Variants in PPFIA4 observed in about 807,000 individuals in gnomAD.
PPFIA4 encodes the protein PPFI scaffold protein A4.
In PPFIA4, 98 loss-of-function variants were observed where a neutral mutation model predicts 145.7. The ratio of observed to expected loss-of-function variants is 0.67; its 90% CI spans 0.57 to 0.80. The LOEUF (loss-of-function observed/expected upper bound fraction) is 0.80, where lower values mean the gene tolerates loss of function less well. PPFIA4 is among the 30% of genes least tolerant of loss of function. The pLI is 0.00. For missense variants in PPFIA4, 1,457 were observed against 1,632.7 expected (o/e 0.89, Z 1.85); for synonymous variants, 628 against 649.6 (o/e 0.97, Z 0.51).
Position 203,076,581 on chromosome 1 carries a change from G to GT in PPFIA4, c.*192dup. ...CCCCGAGTCCCACCGTGTGTCCGTT[G>GT]TAAGTCCGGTGGATGTGGCTGGGGT... is the stretch of plus-strand genomic sequence containing the variant. On this transcript the variant is annotated 3_prime_UTR_variant, in exon 30 of 30. Coordinates refer to ENST00000295706, the MANE Select transcript of PPFIA4 (RefSeq NM_001304331.2). The GT allele has an allele frequency of 1.6e-6, 1 of 611,224 alleles. No homozygotes were observed. The highest frequency in any genetic ancestry group is 2.0e-5 in the South Asian group (1 of 51,186). The allele number at this position is 611,224 out of a possible 1,614,324, so 37.9% of individuals were successfully genotyped here.
rs1435848246 is a variant in PPFIA4 at position 203,038,903 on chromosome 1, T to C, written c.-106T>C. The C allele has an allele frequency of 1.6e-6, 1 of 641,124 alleles. No individual in the cohort carries two copies. The highest frequency in any genetic ancestry group is 2.8e-5 in the East Asian group (1 of 36,240). The allele number at this position is 641,124 out of a possible 1,614,324, so 39.7% of individuals were successfully genotyped here. ...GCCCCTGCCCACCTGTCCACTCGCCTGGCACTGCCCACTCTGAGACCCATG... is the reference window on the plus strand; with the variant it reads ...GCCCCTGCCCACCTGTCCACTCGCCCGGCACTGCCCACTCTGAGACCCATG... On this transcript the variant is annotated 5_prime_UTR_variant, in exon 2 of 30. Transcript: ENST00000295706.
chr1:203,037,136 C>A, intron 1 of PPFIA4: 1 of 326,098 alleles, frequency 3.1e-6, no homozygotes, highest in Non-Finnish European at 6.4e-6. Flanking sequence ...CCACATTGCT[C>A]CCTAGTCTCC....
rs1660896682 is a variant in PPFIA4 at position 203,055,797 on chromosome 1, C to A, written c.2070+125C>A. The A allele has an allele frequency of 5.6e-6, 8 of 1,427,028 alleles. No individual in the cohort carries two copies. Among genetic ancestry groups the A allele is most frequent in the African/African-American group, 1.4e-5 (1 of 71,122 alleles). 88.4% of individuals were successfully genotyped at this position (1,427,028 alleles called of 1,614,324 possible). ...ATCTTCTTCCCATGGTGTGTGCAGA[C>A]CCCGACATGTCAGGCCACCAGCCTG... On this transcript the variant is annotated intron_variant, in intron 16 of 29. Coordinates refer to ENST00000295706, the MANE Select transcript of PPFIA4 (RefSeq NM_001304331.2). The surrounding 1 kb of genome is among the most constrained non-coding windows in gnomAD (Gnocchi z 4.8).
In PPFIA4 at chr1:203,075,642, C is replaced by T. The variant is rs747437590; in HGVS notation, c.3459C>T (p.His1153=). 1 of 1,500,302 alleles carries T rather than the reference C, an allele frequency of 6.7e-7. No homozygotes were observed. The highest frequency in any genetic ancestry group is 8.9e-7 in the Non-Finnish European group (1 of 1,123,686). The allele number at this position is 1,500,302 out of a possible 1,614,324, so 92.9% of individuals were successfully genotyped here. ...AGCGCTTCCGGCCGCGGGAGCACCA[C>T]GGTCGCGGCGGCATGCTCAGCGCTT... ...WRKRFRPREH[H]GRGGMLSASA... Residue 1153 remains histidine (H), a synonymous_variant, in exon 29 of 30, where the codon CAC becomes CAT. Coordinates refer to ENST00000295706, the MANE Select transcript of PPFIA4 (RefSeq NM_001304331.2). The surrounding 1 kb of genome is among the most constrained non-coding windows in gnomAD (Gnocchi z 4.1).
rs761038450 is a variant in PPFIA4, at chr1:203,056,182, C to T, written c.2106+27C>T. Reference sequence around the variant, plus strand: ...TGAGTGCTGCCTGATGGCCCAGGTACTAACGGGTTCACTGCTCCCATGCCC... The same window carrying T: ...TGAGTGCTGCCTGATGGCCCAGGTATTAACGGGTTCACTGCTCCCATGCCC... On this transcript the variant is annotated intron_variant, in intron 17 of 29. Coordinates refer to ENST00000295706, the MANE Select transcript of PPFIA4 (RefSeq NM_001304331.2). 6 of 1,613,816 alleles carry T rather than the reference C, an allele frequency of 3.7e-6. No individual in the cohort carries two copies. In the African/African-American group the frequency reaches 6.7e-5, roughly 18 times the overall value.
chr1:203,067,273 A>G (rs1661788287), intron 25 of PPFIA4, among the ~76,000 whole-genome samples: 1 of 152,168 alleles, frequency 6.6e-6, no homozygotes, highest in Admixed American at 6.5e-5. Context: ...TTAAATGGGT[A>G]GTGGAGCAGA....
Position 203,048,807 on chromosome 1 carries a change from A to G in PPFIA4, c.1356+93A>G, listed in dbSNP as rs1038979548. On this transcript the variant is annotated intron_variant, in intron 11 of 29. Coordinates refer to ENST00000295706, the MANE Select transcript of PPFIA4 (RefSeq NM_001304331.2). This position sits in a 1 kb window ranked among gnomAD's most constrained non-coding sequence, Gnocchi z 5.8. Reference sequence around the variant, plus strand: ...TGTGATGGGCGCAGGCGGGGTCTCAATGGGGTGGGTGGCCAGCCTGGAGAG... The same window carrying G: ...TGTGATGGGCGCAGGCGGGGTCTCAGTGGGGTGGGTGGCCAGCCTGGAGAG... 125 of 1,498,400 alleles carry G rather than the reference A, an allele frequency of 8.3e-5. No homozygotes were observed. In the African/African-American group the frequency reaches 1.2e-3, roughly 14 times the overall value. The allele number at this position is 1,498,400 out of a possible 1,614,324, so 92.8% of individuals were successfully genotyped here. A position where few individuals can be genotyped will look rare whatever the true frequency, so the allele number is the denominator to read the frequency against.
chr1:203,063,474 A>AC (rs1661529391), intron 24 of PPFIA4: 1 of 229,132 alleles, frequency 4.4e-6, no homozygotes, highest in African/African-American at 2.4e-5. Context: ...CTTGAGGCTC[A>AC]CTGAGAGTCA....
At chr1:203,063,787 C>G in intron 24 of PPFIA4, 41 bp from the exon 25 acceptor site, 1 of 1,609,786 alleles carries the variant, frequency 6.2e-7, no homozygotes, top group Non-Finnish European at 8.5e-7. Context: ...CTGGCTCTAC[C>G]TTCCTCCCCC....
intron 15 of PPFIA4, 171 bp downstream of exon 15, chr1:203,054,132 A>C (rs1660746520): frequency 1.3e-6 from 1 of 787,078 alleles, no homozygotes; most frequent in Non-Finnish European, 2.2e-6. Flanking sequence ...GAGTGAGAGG[A>C]GCAGGGCCTC....
rs1159615463 is a variant in PPFIA4, at chr1:203,039,236, C to T, written c.228C>T (p.Leu76=). 1.3e-6 allele frequency: 2 copies of T among 1,583,406 alleles called. No homozygotes were observed. Among genetic ancestry groups the T allele is most frequent in the African/African-American group, 2.7e-5 (2 of 73,938 alleles). The change falls in exon 2 of 30, where the codon CTC becomes CTT. Residue 76 remains leucine (L), a synonymous_variant. Coordinates refer to ENST00000295706, the MANE Select transcript of PPFIA4 (RefSeq NM_001304331.2). The part of the protein sequence containing the change: ...DQLQRHLNSA[L]PQEFATLTRE... The stretch of plus-strand genomic sequence containing the variant: ...TCCAGCGCCACCTTAACTCCGCCCT[C>T]CCCCAGGTAAGGCCCGAAGGCCTGC...
intron 25 of PPFIA4, chr1:203,067,372 C>A: frequency 3.3e-6 from 1 of 298,896 alleles, no homozygotes; most frequent in Non-Finnish European, 6.3e-6. Flanking sequence ...CTTCCACTTG[C>A]AGGTGGTAGG....
chr1:203,049,826 G>A, intron 13 of PPFIA4, 59 bp downstream of exon 13: 1 of 1,376,212 alleles, frequency 7.3e-7, no homozygotes, highest in Non-Finnish European at 9.6e-7. Flanking sequence ...CCGTGAGGAA[G>A]GAGACTTCCT....
chr1:203,034,790 G>A (rs1558062792), intron 1 of PPFIA4: 2 of 431,626 alleles, frequency 4.6e-6, no homozygotes, highest in Admixed American at 2.6e-5. Context: ...GGTGGGGAAG[G>A]TTTCTTGGAG....
chr1:203,029,093 A>G (rs991894579), intron 1 of PPFIA4, among the ~76,000 whole-genome samples: 4 of 152,098 alleles, frequency 2.6e-5, no homozygotes, highest in African/African-American at 7.2e-5. Flanking sequence ...CAGTGGGGGA[A>G]GGAGCTCTAA....
At chr1:203,056,647 G>C in intron 18 of PPFIA4, 137 bp from the exon 19 acceptor site, 1 of 1,330,458 alleles carries the variant, frequency 7.5e-7, no homozygotes, top group Non-Finnish European at 1.0e-6. Flanking sequence ...TCAGGGAAGG[G>C]AGTTCATGTG....
At position 203,038,769 on chromosome 1, in the gene PPFIA4, C is replaced by A; in HGVS notation, c.-240C>A. 1 of 375,422 alleles carries A rather than the reference C, an allele frequency of 2.7e-6. No individual in the cohort carries two copies. The highest frequency in any genetic ancestry group is 4.8e-6 in the Non-Finnish European group (1 of 207,954). The allele number at this position is 375,422 out of a possible 1,614,324, so 23.3% of individuals were successfully genotyped here. A position where few individuals can be genotyped will look rare whatever the true frequency, so the allele number is the denominator to read the frequency against. On this transcript the variant is annotated 5_prime_UTR_variant, in exon 2 of 30. Transcript: ENST00000295706. ...TCTGCATGTCTGGGGACACAGGGCA[C>A]CCAGCCCCAGCCCTGAGAAGTTAAG... is the stretch of plus-strand genomic sequence containing the variant.
chr1:203,051,677 T>G (rs989105686), intron 13 of PPFIA4, 92 bp from the exon 14 acceptor site: 8 of 1,514,130 alleles, frequency 5.3e-6, no homozygotes, highest in Non-Finnish European at 6.2e-6. Flanking sequence ...TTCTCTGAGC[T>G]GAAGATCCCT....
At chr1:203,051,061 C>G in intron 13 of PPFIA4, 1 of 873,304 alleles carries the variant, frequency 1.1e-6, no homozygotes. Context: ...TGGACTCCCT[C>G]AAGGGTTCCA....
Sources: allele counts gnomAD v4.1 joint callset (sites outside exome capture counted in the v4.1 genomes callset), GRCh38; gene constraint gnomAD v4.1.1; non-coding constraint Gnocchi (gnomAD v3.1); transcripts MANE v1.5; gene names NCBI Gene and HGNC (gene_info 2026-07-23, HGNC 2026-07-21).